RPTOR: variants seen among roughly 807,000 people sequenced by gnomAD.
The protein encoded by RPTOR is regulatory-associated protein of mTOR.
RPTOR carries 21 observed loss-of-function variants against 169.9 expected under a neutral mutation model. The observed-to-expected ratio is 0.12, with a 90% CI of 0.09 to 0.18. The LOEUF (loss-of-function observed/expected upper bound fraction) is 0.18. Ranked by LOEUF, RPTOR falls within the 10% of genes least tolerant of loss-of-function variation. The pLI is 1.00. For synonymous variants in RPTOR, 732 were observed against 753.2 expected, an observed-to-expected ratio of 0.97 and a Z score of 0.46; for missense variants, 1,133 against 1,855.9, an observed-to-expected ratio of 0.61 and a Z score of 7.16.
In RPTOR at chr17:80,874,632, G is replaced by T. The variant is rs551866248; in HGVS notation, c.1510-5783G>T. On this transcript the variant is annotated intron_variant, in intron 13 of 33. Coordinates refer to ENST00000306801, the MANE Select transcript of RPTOR (RefSeq NM_020761.3). The stretch of plus-strand genomic sequence containing the variant: ...GCTCGGTGGATGTTCTGCTGAAGTC[G>T]TGAAGAGCAGTGAGCTCTTGTGACC... Among the ~76,000 whole-genome samples, 506 of 152,256 alleles carry T rather than the reference G, an allele frequency of 3.3e-3. 6 individuals are homozygous for T. Among genetic ancestry groups the T allele is most frequent in the African/African-American group, 0.012 (483 of 41,550 alleles).
Position 80,868,782 on chromosome 17 carries a change from C to T in RPTOR, c.1509+10882C>T, listed in dbSNP as rs565029251. Reference sequence around the variant, plus strand: ...CTGCAATCTTTCCATGCGATGAAATCGTACTCAACAATGAAAAGGCATGAA... The same window carrying T: ...CTGCAATCTTTCCATGCGATGAAATTGTACTCAACAATGAAAAGGCATGAA... On this transcript the variant is annotated intron_variant, in intron 13 of 33. Transcript: ENST00000306801. Among the ~76,000 whole-genome samples the T allele has an allele frequency of 7.2e-5, 11 of 152,286 alleles. No homozygotes were observed. The East Asian group carries it at 1.9e-3, about 27-fold the overall frequency.
In RPTOR at chr17:80,846,551, G is replaced by A. The variant is rs2143714017; in HGVS notation, c.1291G>A (p.Glu431Lys). The A allele has an allele frequency of 2.5e-6, 4 of 1,614,170 alleles. No homozygotes were observed. The highest frequency in any genetic ancestry group is 3.4e-6 in the Non-Finnish European group (4 of 1,179,996). ...GGGCGTGGAGAACCGAAACCCACCCGAACAGCTGCCCATCGTCCTGCAGGT... is the reference window on the plus strand; with the variant it reads ...GGGCGTGGAGAACCGAAACCCACCCAAACAGCTGCCCATCGTCCTGCAGGT... ...TMGVENRNPPEQLPIVLQVLL... is the reference protein window; with the variant it reads ...TMGVENRNPPKQLPIVLQVLL... The change falls in exon 11 of 34, where the codon GAA (glutamate) becomes AAA (lysine). Residue 431 changes from glutamate (E) to lysine (K), a missense_variant. Glu to Lys is a moderately conservative substitution (Grantham distance 56, BLOSUM62 1). Transcript: ENST00000306801.
At chr17:80,932,601 T>G (rs2068911379) in intron 24 of RPTOR, among the ~76,000 whole-genome samples, 1 of 152,184 alleles carries the variant, frequency 6.6e-6, no homozygotes, top group Non-Finnish European at 1.5e-5. Flanking sequence ...GAGGCCTATC[T>G]GTGACCTCAA....
chr17:80,690,953 C>A (rs2065986385), intron 3 of RPTOR, among the ~76,000 whole-genome samples: 1 of 152,016 alleles, frequency 6.6e-6, no homozygotes, highest in South Asian at 2.1e-4. Context: ...TGACACTATG[C>A]CTTGCTAATT....
chr17:80,839,773 G>A (rs1273561663), intron 10 of RPTOR, among the ~76,000 whole-genome samples: 1 of 152,230 alleles, frequency 6.6e-6, no homozygotes, highest in East Asian at 1.9e-4. Flanking sequence ...ACTTTTAAGA[G>A]ATCAGAATAA....
chr17:80,588,469 C>T (rs755594561), intron 1 of RPTOR, among the ~76,000 whole-genome samples: 2 of 152,190 alleles, frequency 1.3e-5, no homozygotes, highest in Non-Finnish European at 2.9e-5. Flanking sequence ...CCTATCCACT[C>T]ATTTTTTGTT....
chr17:80,729,644 T>A (rs1250489406), intron 4 of RPTOR, among the ~76,000 whole-genome samples: 1 of 152,328 alleles, frequency 6.6e-6, no homozygotes, highest in Non-Finnish European at 1.5e-5. Flanking sequence ...TCAAAAGTCA[T>A]CTCAATGACA....
At chr17:80,930,298 T>TC (rs1176071073) in intron 24 of RPTOR, among the ~76,000 whole-genome samples, 1 of 24,904 alleles carries the variant, frequency 4.0e-5, no homozygotes, top group African/African-American at 1.2e-4. Context: ...CCTTAGCTCA[T>TC]CTTCAGCTCA....
At chr17:80,832,443 T>A (rs1396234646) in intron 9 of RPTOR, among the ~76,000 whole-genome samples, 3 of 152,172 alleles carry the variant, frequency 2.0e-5, no homozygotes, top group African/African-American at 7.2e-5. Context: ...TGTGGCAGTG[T>A]CTGGTCCAGC....
At chr17:80,897,645 G>A (rs781682584) in intron 20 of RPTOR, among the ~76,000 whole-genome samples, 7 of 152,194 alleles carry the variant, frequency 4.6e-5, no homozygotes, top group Admixed American at 6.5e-5. Context: ...TTCTTTGGGC[G>A]CTCCCCATTG....
At position 80,874,879 on chromosome 17, in the gene RPTOR, C is replaced by CT. The variant is rs376357208; in HGVS notation, c.1510-5536_1510-5535insT. Among the ~76,000 whole-genome samples the CT allele has an allele frequency of 2.5e-3, 383 of 152,316 alleles. 1 individual carries two copies. Among genetic ancestry groups the CT allele is most frequent in the African/African-American group, 8.8e-3 (367 of 41,564 alleles). On this transcript the variant is annotated intron_variant, in intron 13 of 33. Transcript: ENST00000306801. ...GAAACTTTTTTCCTTCCCAGCACCC[C>CT]GCTCATAACAAGGGCTAAACTCTTC...
At chr17:80,614,527 G>T (rs750182987) in intron 1 of RPTOR, among the ~76,000 whole-genome samples, 2 of 152,178 alleles carry the variant, frequency 1.3e-5, no homozygotes, top group Non-Finnish European at 2.9e-5. Context: ...TGTTCAGATG[G>T]AGCTCTGTGG....
intron 25 of RPTOR, among the ~76,000 whole-genome samples, chr17:80,942,814 G>C (rs970474967): frequency 6.6e-6 from 1 of 152,230 alleles, no homozygotes; most frequent in Non-Finnish European, 1.5e-5. Flanking sequence ...CAACATTCAC[G>C]ACCTTGGCTG....
intron 5 of RPTOR, among the ~76,000 whole-genome samples, chr17:80,739,437 C>T (rs866690768): frequency 1.1e-5 from 1 of 91,564 alleles, no homozygotes; most frequent in Non-Finnish European, 2.5e-5. Context: ...GCCATCTTTT[C>T]TTGAAGTGAT....
chr17:80,598,579 G>A (rs1329492478), intron 1 of RPTOR, among the ~76,000 whole-genome samples: 1 of 152,244 alleles, frequency 6.6e-6, no homozygotes, highest in African/African-American at 2.4e-5. Flanking sequence ...ATGCCCAAGA[G>A]CCTTGAGTCC....
rs569898495 is a variant in RPTOR, at chr17:80,595,470, C to G, written c.163-30221C>G. 5.5e-4 allele frequency among the ~76,000 whole-genome samples: 84 copies of G among 152,294 alleles called. 1 individual carries two copies. The South Asian group carries it at 5.8e-3, about 11-fold the overall frequency. The stretch of plus-strand genomic sequence containing the variant: ...TCTTAGCAGACAGGGTTTTTCCCCC[C>G]CCTTAGATGGGGTCTCGCTCATTCG... On this transcript the variant is annotated intron_variant, in intron 1 of 33. Transcript: ENST00000306801.
At chr17:80,644,306 G>GA (rs773738955) in intron 3 of RPTOR, among the ~76,000 whole-genome samples, 10,703 of 88,808 alleles carry the variant, frequency 0.12, 534 homozygotes, top group Middle Eastern at 0.17. Flanking sequence ...TTAGTGTGTG[G>GA]GTTTTTTTTT....
intron 1 of RPTOR, among the ~76,000 whole-genome samples, chr17:80,605,526 G>A (rs577774525): frequency 1.6e-4 from 24 of 152,134 alleles, no homozygotes; most frequent in Non-Finnish European, 3.2e-4. Context: ...GACCATGGCC[G>A]AGAGGAAGTG....
chr17:80,911,977 C>G (rs1422084143), intron 21 of RPTOR, among the ~76,000 whole-genome samples: 1 of 152,142 alleles, frequency 6.6e-6, no homozygotes, highest in Non-Finnish European at 1.5e-5. Flanking sequence ...GATGAGCTGA[C>G]GCTCTGGAGG....
Sources: allele counts gnomAD v4.1 joint callset (sites outside exome capture counted in the v4.1 genomes callset), GRCh38; gene constraint gnomAD v4.1.1; transcripts MANE v1.5; gene names NCBI Gene and HGNC (gene_info 2026-07-23, HGNC 2026-07-21).